The following SDK2 variants were observed in gnomAD, a reference collection of about 807,000 sequenced individuals.
SDK2 encodes sidekick cell adhesion molecule 2.
SDK2 carries 105 observed loss-of-function variants against 253.9 expected under a neutral mutation model. The ratio of observed to expected loss-of-function variants is 0.41; its 90% CI spans 0.35 to 0.49. The LOEUF (loss-of-function observed/expected upper bound fraction) is 0.49, where lower values mean the gene tolerates loss of function less well. Ranked by LOEUF, SDK2 falls within the 20% of genes least tolerant of loss-of-function variation. The pLI is 0.06. For missense variants in SDK2, 2,608 were observed against 3,003.0 expected (o/e 0.87, Z 3.07); for synonymous variants, 1,249 against 1,234.9 (o/e 1.01, Z -0.24).
intron 12 of SDK2, among the ~76,000 whole-genome samples, chr17:73,428,602 G>C (rs1028643385): frequency 6.6e-6 from 1 of 152,196 alleles, no homozygotes; most frequent in African/African-American, 2.4e-5. Context: ...CCACCTAATA[G>C]TCTGCTTAGG....
In SDK2 at chr17:73,368,400, C is replaced by G; in HGVS notation, c.5167+7G>C. The G allele has an allele frequency of 6.6e-7, 1 of 1,519,886 alleles. No individual in the cohort carries two copies. Among genetic ancestry groups the G allele is most frequent in the Non-Finnish European group, 8.8e-7 (1 of 1,131,040 alleles). 94.1% of individuals were successfully genotyped at this position (1,519,886 alleles called of 1,614,324 possible). Reference sequence around the variant, plus strand: ...ACCCCTCCCCTCCTCAGGGCCCCCTCTCCCACCTGCTTGCTGGGTCTGGCC... The same window carrying G: ...ACCCCTCCCCTCCTCAGGGCCCCCTGTCCCACCTGCTTGCTGGGTCTGGCC... On this transcript the variant is annotated splice_region_variant and intron_variant, in intron 37 of 44. Transcript: ENST00000392650.
At chr17:73,466,586 A>C (rs1211485949) in intron 3 of SDK2, among the ~76,000 whole-genome samples, 3 of 152,064 alleles carry the variant, frequency 2.0e-5, no homozygotes, top group Admixed American at 6.6e-5. Context: ...TCTGAGCCCC[A>C]GTTTGCTCCT....
intron 3 of SDK2, among the ~76,000 whole-genome samples, chr17:73,468,833 AT>A (rs532195266): frequency 6.9e-6 from 1 of 144,036 alleles, no homozygotes; most frequent in Admixed American, 7.0e-5. Flanking sequence ...CCTTATTTTT[AT>A]TTTTTTTTGA....
intron 1 of SDK2, among the ~76,000 whole-genome samples, chr17:73,625,327 C>T (rs977335274): frequency 2.0e-5 from 3 of 152,242 alleles, no homozygotes; most frequent in Non-Finnish European, 2.9e-5. Context: ...ATTCTTCTAC[C>T]TCACCCTTGT....
chr17:73,472,175 G>C lies in SDK2; in HGVS notation c.268C>G (p.Arg90Gly). 1 of 1,551,716 alleles carries C rather than the reference G, an allele frequency of 6.4e-7. No individual in the cohort carries two copies. Among genetic ancestry groups the C allele is most frequent in the South Asian group, 1.2e-5 (1 of 84,058 alleles). The change falls in exon 3 of 45, where the codon CGT (arginine) becomes GGT (glycine). Residue 90 changes from arginine (R) to glycine (G), a missense_variant. This residue lies in a region of SDK2 where 1,505 missense variants were observed against 1,859.1 expected (regional missense o/e 0.81). Coordinates refer to ENST00000392650, the MANE Select transcript of SDK2 (RefSeq NM_001144952.2). Reference sequence around the variant, plus strand: ...CCCATTCGGTTCCGCACGATGCAACGGTAAAAGCCAGCGTGGGTGCGGTCC... The same window carrying C: ...CCCATTCGGTTCCGCACGATGCAACCGTAAAAGCCAGCGTGGGTGCGGTCC... ...SLDRTHAGFY[R>G]CIVRNRMGAL...
intron 3 of SDK2, among the ~76,000 whole-genome samples, chr17:73,461,240 A>G (rs1599588037): frequency 6.6e-6 from 1 of 152,338 alleles, no homozygotes; most frequent in Non-Finnish European, 1.5e-5. Flanking sequence ...AGCATTCACC[A>G]CTTCCCTATG....
At chr17:73,408,765 CTG>C (rs1163370361) in intron 18 of SDK2, among the ~76,000 whole-genome samples, 7 of 152,096 alleles carry the variant, frequency 4.6e-5, no homozygotes, top group Admixed American at 3.9e-4. Context: ...TATAGATCGA[CTG>C]AGACCTAAAA....
At chr17:73,546,123 G>A (rs531533491) in intron 1 of SDK2, among the ~76,000 whole-genome samples, 2 of 152,198 alleles carry the variant, frequency 1.3e-5, no homozygotes, top group Admixed American at 1.3e-4. Context: ...GGTGAGGAGA[G>A]GCAGAGAGAG....
intron 1 of SDK2, among the ~76,000 whole-genome samples, chr17:73,538,960 C>T (rs1471957414): frequency 1.3e-5 from 2 of 152,170 alleles, no homozygotes; most frequent in Non-Finnish European, 2.9e-5. Flanking sequence ...GTTTCTGAAC[C>T]ACCAGCTGTC....
chr17:73,526,425 G>C (rs1161466011), intron 1 of SDK2, among the ~76,000 whole-genome samples: 1 of 152,190 alleles, frequency 6.6e-6, no homozygotes, highest in Non-Finnish European at 1.5e-5. Flanking sequence ...GAAAGAAGGG[G>C]GTGGGAATAA....
At chr17:73,398,280 C>T in intron 23 of SDK2, 40 bp downstream of exon 23, 1 of 1,608,202 alleles carries the variant, frequency 6.2e-7, no homozygotes, top group African/African-American at 1.3e-5. Flanking sequence ...CCACCCCCAG[C>T]CCTGAGGCTG....
intron 3 of SDK2, among the ~76,000 whole-genome samples, chr17:73,460,372 T>G (rs1438046157): frequency 1.3e-5 from 2 of 152,194 alleles, no homozygotes; most frequent in Non-Finnish European, 2.9e-5. Flanking sequence ...AACTGAGGCC[T>G]CAGTCATCCC....
rs1028399328 is a variant in SDK2 at position 73,395,666 on chromosome 17, C to A, written c.3355-274G>T. Among the ~76,000 whole-genome samples, 2 of 152,240 alleles carry A rather than the reference C, an allele frequency of 1.3e-5. No homozygotes were observed. Among genetic ancestry groups the A allele is most frequent in the Non-Finnish European group, 1.5e-5 (1 of 68,044 alleles). ...AAATCTATTACCCTGCCAAGGGAGT[C>A]AGGAGCCACAAAGGCTGTGTGTCTG... is the stretch of plus-strand genomic sequence containing the variant. On this transcript the variant is annotated intron_variant, in intron 24 of 44. Coordinates refer to ENST00000392650, the MANE Select transcript of SDK2 (RefSeq NM_001144952.2). The surrounding 1 kb of genome is among the most constrained non-coding windows in gnomAD (Gnocchi z 4.3).
In SDK2 at chr17:73,437,806, G is replaced by C. The variant is rs1197890371; in HGVS notation, c.933C>G (p.Val311=). ...CAGTGATGTGTCTTTCTGGCTCCTT[G>C]ACAAACTGAGGCGGTTCTGCAGGAG... The part of the protein sequence containing the change: ...YLSVLEPPQF[V]KEPERHITAE... The change falls in exon 8 of 45, where the codon GTC becomes GTG. Residue 311 remains valine, a synonymous_variant. Coordinates refer to ENST00000392650, the MANE Select transcript of SDK2 (RefSeq NM_001144952.2). The C allele has an allele frequency of 6.2e-7, 1 of 1,613,870 alleles. No homozygotes were observed. The highest frequency in any genetic ancestry group is 8.5e-7 in the Non-Finnish European group (1 of 1,179,886).
intron 1 of SDK2, among the ~76,000 whole-genome samples, chr17:73,556,064 T>C (rs2045138985): frequency 6.6e-6 from 1 of 152,072 alleles, no homozygotes; most frequent in African/African-American, 2.4e-5. Context: ...GGGCTTGGGC[T>C]TGGGGTGGAC....
At chr17:73,529,022 C>A (rs2064148508) in intron 1 of SDK2, among the ~76,000 whole-genome samples, 1 of 152,226 alleles carries the variant, frequency 6.6e-6, no homozygotes, top group South Asian at 2.1e-4. Flanking sequence ...GTTGCCCCCT[C>A]TTCTGTCTTT....
At position 73,338,241 on chromosome 17, in the gene SDK2, G is replaced by A. The variant is rs954547244; in HGVS notation, c.*346C>T. Reference sequence around the variant, plus strand: ...CTTCCCTCGGCCACGCCTGCCTGGCGGCCTCCAGTCCTTAGCCTCCGCTCC... The same window carrying A: ...CTTCCCTCGGCCACGCCTGCCTGGCAGCCTCCAGTCCTTAGCCTCCGCTCC... On this transcript the variant is annotated 3_prime_UTR_variant, in exon 45 of 45. Coordinates refer to ENST00000392650, the MANE Select transcript of SDK2 (RefSeq NM_001144952.2). The surrounding 1 kb of genome is among the most constrained non-coding windows in gnomAD (Gnocchi z 5.0). The A allele has an allele frequency of 7.1e-6, 3 of 422,888 alleles. No homozygotes were observed. The highest frequency in any genetic ancestry group is 4.1e-5 in the African/African-American group (2 of 48,798). The allele number at this position is 422,888 out of a possible 1,614,324, so 26.2% of individuals were successfully genotyped here.
rs1459030544 is a variant in SDK2, at chr17:73,368,606, AAGGATGTGGGAGTG to A, written c.4981-27_4981-14del. The A allele has an allele frequency of 6.4e-7, 1 of 1,552,590 alleles. No individual in the cohort carries two copies. Among genetic ancestry groups the A allele is most frequent in the Non-Finnish European group, 8.7e-7 (1 of 1,146,328 alleles). ...CCCAGAAATAAATCTGTGGGAACAG[AAGGATGTGGGAGTG>A]AGGGGGACAGGGGCAATGAGAGTCC... is the stretch of plus-strand genomic sequence containing the variant. On this transcript the variant is annotated splice_polypyrimidine_tract_variant and intron_variant, in intron 36 of 44. Transcript: ENST00000392650.
At chr17:73,564,681 T>C (rs2145856820) in intron 1 of SDK2, among the ~76,000 whole-genome samples, 1 of 152,104 alleles carries the variant, frequency 6.6e-6, no homozygotes, top group South Asian at 2.1e-4. Context: ...AAAAATTAGC[T>C]GGGCATGGTG....
Sources: gnomAD v4.1 joint callset for allele counts (sites outside exome capture counted in the v4.1 genomes callset) on GRCh38, gnomAD v4.1.1 for gene constraint, gnomAD v4.1.1 regional missense constraint, Gnocchi (gnomAD v3.1) non-coding constraint, MANE v1.5 for transcripts, NCBI Gene and HGNC (gene_info 2026-07-23, HGNC 2026-07-21) for gene names.